PAK5: variants seen among roughly 807,000 people sequenced by gnomAD.
The protein encoded by PAK5 is serine/threonine-protein kinase PAK 5.
PAK5 carries 16 observed loss-of-function variants against 65.9 expected under a neutral mutation model. That is an observed-to-expected ratio of 0.24 (90% confidence interval 0.16 to 0.37). The LOEUF is 0.37. Among genes scored for constraint, PAK5 ranks in the 10% least tolerant of loss-of-function variants. The pLI, the probability that PAK5 is intolerant of heterozygous loss-of-function variation, is 1.00. For missense variants in PAK5, 785 were observed against 903.9 expected (o/e 0.87, Z 1.69); for synonymous variants, 371 against 354.9 (o/e 1.05, Z -0.51).
chr20:9,677,846 T>C (rs896285828), intron 2 of PAK5, among the ~76,000 whole-genome samples: 1 of 152,234 alleles, frequency 6.6e-6, no homozygotes, highest in African/African-American at 2.4e-5. Context: ...CCGTTTATGC[T>C]CATCACCACT....
At chr20:9,827,588 G>C (rs559070324) in intron 1 of PAK5, among the ~76,000 whole-genome samples, 3 of 146,402 alleles carry the variant, frequency 2.0e-5, no homozygotes, top group South Asian at 2.3e-4. Flanking sequence ...TGTTTGAGAG[G>C]AACAATCCAG....
In PAK5 at chr20:9,566,350, G is replaced by A. The variant is rs2045680385; in HGVS notation, c.1025C>T (p.Pro342Leu). The change falls in exon 5 of 10, where the codon CCT (proline) becomes CTT (leucine). Residue 342 changes from proline to leucine, a missense_variant. Transcript: ENST00000353224. ...DYDRAQMVLS[P>L]PLSGSDTYPR... ...GTAGGTGTCAGACCCTGACAGTGGA[G>A]GGCTGAGGACCATCTGTGCTCGATC... 1 of 1,613,396 alleles carries A rather than the reference G, an allele frequency of 6.2e-7. No homozygotes were observed. The highest frequency in any genetic ancestry group is 8.5e-7 in the Non-Finnish European group (1 of 1,179,656).
At chr20:9,547,373 A>G (rs2045360903) in intron 7 of PAK5, among the ~76,000 whole-genome samples, 2 of 152,226 alleles carry the variant, frequency 1.3e-5, no homozygotes, top group African/African-American at 4.8e-5. Flanking sequence ...GGAAATGAAT[A>G]CACTCACTGA....
chr20:9,689,155 G>T (rs1218828132), intron 2 of PAK5, among the ~76,000 whole-genome samples: 1 of 152,156 alleles, frequency 6.6e-6, no homozygotes, highest in Non-Finnish European at 1.5e-5. Context: ...CTCAGGTACT[G>T]CTTCATTTGT....
chr20:9,707,396 C>T (rs925124814), intron 2 of PAK5, among the ~76,000 whole-genome samples: 4 of 152,170 alleles, frequency 2.6e-5, no homozygotes, highest in Non-Finnish European at 5.9e-5. Context: ...AGGCATGGCC[C>T]CCAGCCCCTT....
intron 1 of PAK5, among the ~76,000 whole-genome samples, chr20:9,787,592 C>A (rs71334865): frequency 3.3e-5 from 5 of 150,840 alleles, no homozygotes; most frequent in African/African-American, 1.2e-4. Flanking sequence ...GAAAAACTGA[C>A]GCTTACTCTG....
intron 2 of PAK5, among the ~76,000 whole-genome samples, chr20:9,666,023 C>G (rs917011524): frequency 1.3e-5 from 2 of 152,066 alleles, no homozygotes; most frequent in Admixed American, 6.6e-5. Flanking sequence ...TTGTAAGACT[C>G]TTTGCTACAA....
intron 1 of PAK5, among the ~76,000 whole-genome samples, chr20:9,717,736 C>A (rs1469563049): frequency 6.6e-6 from 1 of 152,196 alleles, no homozygotes; most frequent in African/African-American, 2.4e-5. Flanking sequence ...TCTCCTACCT[C>A]AGCCTCCCGA....
intron 1 of PAK5, among the ~76,000 whole-genome samples, chr20:9,727,489 A>G (rs561810005): frequency 1.3e-5 from 2 of 152,218 alleles, no homozygotes; most frequent in South Asian, 4.1e-4. Context: ...GCTCTCTACA[A>G]ACTTTGTCCC....
Position 9,629,138 on chromosome 20 carries a change from G to A in PAK5, c.204+14987C>T, listed in dbSNP as rs568373910. On this transcript the variant is annotated intron_variant, in intron 3 of 9. Transcript: ENST00000353224. ...AGCCTCTGGATGGGAAGGCAGTGGG[G>A]AATGTAGCCCAGCTGACACCTGAAT... Among the ~76,000 whole-genome samples the A allele has an allele frequency of 4.6e-5, 7 of 152,302 alleles. No homozygotes were observed. In the East Asian group the frequency reaches 1.2e-3, roughly 25 times the overall value.
At chr20:9,772,468 T>TCTG (rs150362900) in intron 1 of PAK5, among the ~76,000 whole-genome samples, 1 of 151,872 alleles carries the variant, frequency 6.6e-6, no homozygotes, top group Non-Finnish European at 1.5e-5. Context: ...ATGCCATTGG[T>TCTG]CAGAGGTCAA....
intron 1 of PAK5, among the ~76,000 whole-genome samples, chr20:9,766,922 A>T (rs201377811): frequency 6.8e-6 from 1 of 146,682 alleles, no homozygotes; most frequent in African/African-American, 2.5e-5. Flanking sequence ...TTTTTTTTTT[A>T]AGAGAGAGAA....
intron 2 of PAK5, among the ~76,000 whole-genome samples, chr20:9,671,545 G>C (rs6077579): frequency 0.13 from 19,352 of 151,812 alleles, 1,734 homozygotes; most frequent in Non-Finnish European, 0.19. Context: ...AATTGTGAAT[G>C]GGAGTTCACT....
chr20:9,614,488 C>A (rs541324791), intron 3 of PAK5, among the ~76,000 whole-genome samples: 1 of 152,238 alleles, frequency 6.6e-6, no homozygotes, highest in South Asian at 2.1e-4. Context: ...TCAGAGAACA[C>A]CAACCACGAT....
chr20:9,738,078 T>A (rs1237382065), intron 1 of PAK5, among the ~76,000 whole-genome samples: 1 of 151,496 alleles, frequency 6.6e-6, no homozygotes, highest in Non-Finnish European at 1.5e-5. Context: ...GAGGTGGAGG[T>A]TGCAGTGAGC....
At chr20:9,658,021 A>G in intron 2 of PAK5, among the ~76,000 whole-genome samples, 1 of 152,204 alleles carries the variant, frequency 6.6e-6, no homozygotes, top group South Asian at 2.1e-4. Context: ...GACTAGGAAA[A>G]CTAGATAAAG....
intron 1 of PAK5, among the ~76,000 whole-genome samples, chr20:9,771,582 A>ATTT (rs545140358): frequency 5.5e-5 from 6 of 109,758 alleles, no homozygotes; most frequent in East Asian, 3.2e-4. Context: ...CAATTTTTTA[A>ATTT]TTTTTTTTTT....
At position 9,641,708 on chromosome 20, in the gene PAK5, G is replaced by C. The variant is rs542296003; in HGVS notation, c.204+2417C>G. ...AGTGGGTGGGAGGCTCAGGCATGGC[G>C]GGCTGCAGGTCCCAAGCCCTGCCCC... On this transcript the variant is annotated intron_variant, in intron 3 of 9. Transcript: ENST00000353224. Among the ~76,000 whole-genome samples the C allele has an allele frequency of 3.6e-4, 55 of 152,160 alleles. No individual in the cohort carries two copies. In the East Asian group the frequency reaches 0.01, roughly 29 times the overall value.
chr20:9,799,490 A>G (rs1363739926), intron 1 of PAK5, among the ~76,000 whole-genome samples: 1 of 152,136 alleles, frequency 6.6e-6, no homozygotes, highest in East Asian at 1.9e-4. Context: ...TTATAGCTCC[A>G]TTAATAAGAA....
Sources: gnomAD v4.1 joint callset for allele counts (sites outside exome capture counted in the v4.1 genomes callset) on GRCh38, gnomAD v4.1.1 for gene constraint, MANE v1.5 for transcripts, NCBI Gene and HGNC (gene_info 2026-07-23, HGNC 2026-07-21) for gene names.